The following SNRNP25 variants were observed in gnomAD, a reference collection of about 807,000 sequenced individuals.
SNRNP25 encodes U11/U12 small nuclear ribonucleoprotein 25 kDa protein.
SNRNP25 carries 21 observed loss-of-function variants against 23.9 expected under a neutral mutation model. That is an observed-to-expected ratio of 0.88 (90% confidence interval 0.62 to 1.27). The LOEUF is 1.27. SNRNP25 is among the 50% of genes most tolerant of loss of function. The pLI is 0.00. For synonymous variants in SNRNP25, 63 were observed against 60.4 expected (o/e 1.04, Z -0.20); for missense variants, 160 against 156.9 (o/e 1.02, Z -0.11).
Position 57,168 on chromosome 16 carries a change from C to T in SNRNP25, c.*25C>T. 6 of 1,612,492 alleles carry T rather than the reference C, an allele frequency of 3.7e-6. No homozygotes were observed. The highest frequency in any genetic ancestry group is 1.7e-4 in the Middle Eastern group (1 of 6,042). ...AGCCTCCAGACAGGACAACCCTCTT[C>T]ATCACTGGTGGCTGAGCTTTTTCCC... On this transcript the variant is annotated 3_prime_UTR_variant, in exon 5 of 5. Transcript: ENST00000293861.
chr16:56,637 C>T, intron 4 of SNRNP25, 24 bp downstream of exon 4: 2 of 1,612,018 alleles, frequency 1.2e-6, no homozygotes, highest in African/African-American at 1.3e-5. Context: ...ACGTCCTGAG[C>T]CGTAGGGCAC....
Position 57,218 on chromosome 16 carries a change from C to T in SNRNP25, c.*75C>T, listed in dbSNP as rs185959863. 682 of 1,483,700 alleles carry T rather than the reference C, an allele frequency of 4.6e-4. 4 individuals carry two copies. In the African/African-American group the frequency reaches 8.2e-3, roughly 18 times the overall value. The allele number at this position is 1,483,700 out of a possible 1,614,324, so 91.9% of individuals were successfully genotyped here. ...CAGCAGGAATGGGTCCTCGAATCAT[C>T]GTGCCTCTTTCACAGAAAGGACGTT... is the stretch of plus-strand genomic sequence containing the variant. On this transcript the variant is annotated 3_prime_UTR_variant, in exon 5 of 5. Coordinates refer to ENST00000293861, the MANE Select transcript of SNRNP25 (RefSeq NM_024571.4).
chr16:56,156 ACT>A (rs1897403928), intron 3 of SNRNP25: 1 of 621,110 alleles, frequency 1.6e-6, no homozygotes, highest in African/African-American at 1.8e-5. Flanking sequence ...ACTTGGGGAC[ACT>A]GTCGGGAATT....
chr16:57,279 T>C lies in SNRNP25; in HGVS notation c.*136T>C. On this transcript the variant is annotated 3_prime_UTR_variant, in exon 5 of 5. Transcript: ENST00000293861. ...CACCCCAGGCATGCCCAACAGTAAC[T>C]GTCAGCATAAACCTGGGGGCCCTCA... The C allele has an allele frequency of 2.3e-6, 2 of 882,726 alleles. No homozygotes were observed. Among genetic ancestry groups the C allele is most frequent in the Admixed American group, 4.0e-5 (2 of 50,116 alleles). The allele number at this position is 882,726 out of a possible 1,614,324, so 54.7% of individuals were successfully genotyped here. A position where few individuals can be genotyped will look rare whatever the true frequency, so the allele number is the denominator to read the frequency against.
chr16:55,676 C>A (rs945893434), intron 2 of SNRNP25, 101 bp from the exon 3 acceptor site: 1 of 1,535,922 alleles, frequency 6.5e-7, no homozygotes. Context: ...CAACCACAAA[C>A]CTGCCCTGTG....
At position 55,502 on chromosome 16, in the gene SNRNP25, G is replaced by C; in HGVS notation, c.86G>C (p.Gly29Ala). 6.2e-7 allele frequency: 1 copy of C among 1,614,128 alleles called. No homozygotes were observed. Among genetic ancestry groups the C allele is most frequent in the Non-Finnish European group, 8.5e-7 (1 of 1,180,022 alleles). ...EVNSQIALEYGQAMTVRVCKM... is the reference protein window; with the variant it reads ...EVNSQIALEYAQAMTVRVCKM... The stretch of plus-strand genomic sequence containing the variant: ...AACTCCCAAATAGCCCTAGAATACG[G>C]CCAGGCAATGACGGTCCGAGTGTGC... Residue 29 changes from glycine (G) to alanine (A), a missense_variant, in exon 2 of 5, where the codon GGC becomes GCC. Transcript: ENST00000293861.
At chr16:54,472 A>C (rs1432481401) in intron 1 of SNRNP25, among the ~76,000 whole-genome samples, 1 of 149,284 alleles carries the variant, frequency 6.7e-6, no homozygotes, top group African/African-American at 2.5e-5. Flanking sequence ...CTGATCTGAA[A>C]CTCCTGGGCT....
chr16:55,387 G>A, intron 1 of SNRNP25, 72 bp from the exon 2 acceptor site: 1 of 1,420,664 alleles, frequency 7.0e-7, no homozygotes, highest in Non-Finnish European at 9.9e-7. Flanking sequence ...GCCACTATCG[G>A]CTTGTTCTTT....
chr16:57,100 A>G lies in SNRNP25; in HGVS notation c.329A>G (p.Asn110Ser), dbSNP rs1897423027. ...TTCTTTTTCAGCTACGGCATCCGGA[A>G]TCGAGACGAGGTTTCCTTCATCAAA... ...RKKLRDYGIR[N>S]RDEVSFIKKL... is the part of the protein sequence containing the mutation. The change falls in exon 5 of 5, where the codon AAT becomes AGT. Residue 110 changes from asparagine (N) to serine (S), a missense_variant. Physicochemically the swap from Asn to Ser is conservative, Grantham distance 46. Transcript: ENST00000293861. 6.2e-7 allele frequency: 1 copy of G among 1,614,092 alleles called. No individual in the cohort carries two copies. Among genetic ancestry groups the G allele is most frequent in the Non-Finnish European group, 8.5e-7 (1 of 1,180,016 alleles).
Position 56,539 on chromosome 16 carries a change from G to A in SNRNP25, c.240G>A (p.Trp80Ter), listed in dbSNP as rs1209370347. Reference protein sequence around the residue: ...EREGGIQHISWSYVWRTYHLT... With the variant: ...EREGGIQHIS ...GTTTACCTGCATTCCCCTCTTGCAGGTCCTACGTGTGGAGGACGTACCATC... is the reference window on the plus strand; with the variant it reads ...GTTTACCTGCATTCCCCTCTTGCAGATCCTACGTGTGGAGGACGTACCATC... The change falls in exon 4 of 5, where the codon TGG (tryptophan) becomes TGA (stop). Residue 80 changes from tryptophan to a stop codon, truncating the protein, a stop_gained and splice_region_variant. Coordinates refer to ENST00000293861, the MANE Select transcript of SNRNP25 (RefSeq NM_024571.4). LOFTEE classifies it high-confidence loss of function. The A allele has an allele frequency of 3.1e-6, 5 of 1,613,862 alleles. No homozygotes were observed. Among genetic ancestry groups the A allele is most frequent in the Non-Finnish European group, 4.2e-6 (5 of 1,180,034 alleles).
At chr16:55,237 T>G (rs9926790) in intron 1 of SNRNP25, 5,002 of 489,690 alleles carry the variant, frequency 0.01, 193 homozygotes, top group African/African-American at 0.086. Context: ...TCTTAGCACC[T>G]CTTTCCCCCA....
At position 55,596 on chromosome 16, in the gene SNRNP25, C is replaced by T. The variant is rs1897396704; in HGVS notation, c.133+47C>T. ...TCAGGTTATGTGGTCCAGGCTTTCA[C>T]AGCAGGAAGACCTAACAGTGCTGGT... is the stretch of plus-strand genomic sequence containing the variant. On this transcript the variant is annotated intron_variant, in intron 2 of 4. Transcript: ENST00000293861. The T allele has an allele frequency of 2.5e-6, 4 of 1,603,888 alleles. No individual in the cohort carries two copies. The Admixed American group carries it at 5.0e-5, about 20-fold the overall frequency.
chr16:55,559 A>C lies in SNRNP25; in HGVS notation c.133+10A>C. ...GATGGAGAAGTAATGCGTAAGTGCT[A>C]CCCTCCTCCCTTCAGGTTATGTGGT... On this transcript the variant is annotated intron_variant, in intron 2 of 4. Transcript: ENST00000293861. 6.2e-7 allele frequency: 1 copy of C among 1,613,502 alleles called. No individual in the cohort carries two copies. Among genetic ancestry groups the C allele is most frequent in the South Asian group, 1.1e-5 (1 of 91,064 alleles).
chr16:56,837 G>A (rs1897417749), intron 4 of SNRNP25, among the ~76,000 whole-genome samples: 1 of 152,236 alleles, frequency 6.6e-6, no homozygotes, highest in African/African-American at 2.4e-5. Flanking sequence ...TGCCAGGAGG[G>A]AGGAAATCAG....
chr16:56,025 A>T, intron 3 of SNRNP25, 143 bp downstream of exon 3: 1 of 754,942 alleles, frequency 1.3e-6, no homozygotes, highest in South Asian at 1.7e-5. Flanking sequence ...CTGTCACAAG[A>T]GTGATGAGCT....
intron 4 of SNRNP25, among the ~76,000 whole-genome samples, 168 bp downstream of exon 4, chr16:56,781 G>A (rs1868444062): frequency 6.6e-6 from 1 of 152,200 alleles, no homozygotes; most frequent in Admixed American, 6.5e-5. Context: ...AGGGCAGCTG[G>A]AGGGGCCTTG....
chr16:54,196 T>A, intron 1 of SNRNP25, 138 bp downstream of exon 1: 3 of 1,016,030 alleles, frequency 3.0e-6, no homozygotes, highest in Non-Finnish European at 4.3e-6. Flanking sequence ...AAACGAGGGT[T>A]TTAACCTTGA....
chr16:54,921 C>A (rs9938569), intron 1 of SNRNP25: 1,989 of 156,530 alleles, frequency 0.013, 52 homozygotes, highest in African/African-American at 0.045. Flanking sequence ...ACCTCATGAT[C>A]CGCCCGCCTC....
At chr16:57,025 G>C (rs1469318641) in intron 4 of SNRNP25, 61 bp from the exon 5 acceptor site, 60 of 1,573,470 alleles carry the variant, frequency 3.8e-5, no homozygotes, top group Non-Finnish European at 5.2e-5. Context: ...AGCCTCAGGA[G>C]GGGAGTCACA....
Sources: allele counts gnomAD v4.1 joint callset (sites outside exome capture counted in the v4.1 genomes callset), GRCh38; gene constraint gnomAD v4.1.1; transcripts MANE v1.5; gene names NCBI Gene and HGNC (gene_info 2026-07-23, HGNC 2026-07-21).